The following GNE variants were observed in gnomAD, a reference collection of about 807,000 sequenced individuals.
The protein encoded by GNE is bifunctional UDP-N-acetylglucosamine 2-epimerase/N-acetylmannosamine kinase.
GNE carries 41 observed loss-of-function variants against 61.8 expected under a neutral mutation model. The ratio of observed to expected loss-of-function variants is 0.66; its 90% CI spans 0.52 to 0.86. The LOEUF is 0.86. Ranked by LOEUF, GNE falls within the 40% of genes least tolerant of loss-of-function variation. The pLI is 0.00. For synonymous variants in GNE, 264 were observed against 326.4 expected, an observed-to-expected ratio of 0.81 and a Z score of 2.06; for missense variants, 608 against 909.1, an observed-to-expected ratio of 0.67 and a Z score of 4.26.
At chr9:36,257,060 C>T (rs1587363160) in intron 1 of GNE, among the ~76,000 whole-genome samples, 1 of 152,034 alleles carries the variant, frequency 6.6e-6, no homozygotes, top group African/African-American at 2.4e-5. Context: ...AAAAATTAAC[C>T]GAGCATGGTG....
intron 3 of GNE, among the ~76,000 whole-genome samples, chr9:36,240,320 A>C (rs978467875): frequency 6.6e-6 from 1 of 152,196 alleles, no homozygotes; most frequent in Non-Finnish European, 1.5e-5. Flanking sequence ...CTTTTATTAC[A>C]TTAAGGTATG....
intron 7 of GNE, among the ~76,000 whole-genome samples, chr9:36,223,841 T>C (rs1828728922): frequency 6.6e-6 from 1 of 151,068 alleles, no homozygotes; most frequent in Admixed American, 6.6e-5. Flanking sequence ...AACCTCCACC[T>C]CCCAGGTTCA....
At chr9:36,268,815 T>G (rs1830905208) in intron 1 of GNE, among the ~76,000 whole-genome samples, 1 of 152,000 alleles carries the variant, frequency 6.6e-6, no homozygotes. Context: ...AAGGTACTGG[T>G]CCAGAACTCC....
intron 1 of GNE, among the ~76,000 whole-genome samples, chr9:36,249,727 A>C (rs1468429510): frequency 6.6e-6 from 1 of 151,900 alleles, no homozygotes; most frequent in Non-Finnish European, 1.5e-5. Context: ...AAAATACAAA[A>C]AAAAAAATTA....
At chr9:36,223,040 A>C in intron 8 of GNE, 42 bp from the exon 9 acceptor site, 1 of 1,548,658 alleles carries the variant, frequency 6.5e-7, no homozygotes, top group African/African-American at 1.4e-5. Flanking sequence ...GCTGATGAGC[A>C]ATCTCAGGAA....
intron 1 of GNE, among the ~76,000 whole-genome samples, chr9:36,267,294 C>T (rs1054873772): frequency 1.3e-5 from 2 of 152,210 alleles, no homozygotes; most frequent in African/African-American, 2.4e-5. Context: ...TTTTAGAGCA[C>T]CTGTGGTGGT....
At chr9:36,247,864 T>C (rs1006555800) in intron 2 of GNE, among the ~76,000 whole-genome samples, 6 of 151,736 alleles carry the variant, frequency 4.0e-5, no homozygotes, top group Admixed American at 3.9e-4. Context: ...CCGTCTCTAC[T>C]AAAAATACAA....
chr9:36,224,749 A>G (rs1018585450), intron 7 of GNE, among the ~76,000 whole-genome samples: 1 of 152,154 alleles, frequency 6.6e-6, no homozygotes, highest in Non-Finnish European at 1.5e-5. Context: ...ACACGCCTGT[A>G]GTCTCAGCTA....
At chr9:36,273,221 A>ATT (rs34635171) in intron 1 of GNE, among the ~76,000 whole-genome samples, 5,291 of 146,324 alleles carry the variant, frequency 0.036, 306 homozygotes, top group African/African-American at 0.12. Context: ...CACTCCATAA[A>ATT]TTTTTTTTTT....
At chr9:36,239,602 A>G (rs1385408652) in intron 3 of GNE, among the ~76,000 whole-genome samples, 1 of 151,832 alleles carries the variant, frequency 6.6e-6, no homozygotes, top group Non-Finnish European at 1.5e-5. Flanking sequence ...CCTCCCAAGT[A>G]TCTGGGACTA....
chr9:36,242,729 C>CTTT (rs1563944077), intron 3 of GNE, among the ~76,000 whole-genome samples: 6 of 92,922 alleles, frequency 6.5e-5, no homozygotes, highest in African/African-American at 2.1e-4. Flanking sequence ...GGGTTTTATG[C>CTTT]TTGTTTTTTT....
chr9:36,236,703 G>A, intron 4 of GNE, 129 bp downstream of exon 4: 1 of 829,762 alleles, frequency 1.2e-6, no homozygotes, highest in Non-Finnish European at 2.0e-6. Flanking sequence ...TTTGAAAATT[G>A]GAATGCATTT....
chr9:36,217,709 G>A, intron 11 of GNE, 109 bp from the exon 12 acceptor site: 2 of 733,570 alleles, frequency 2.7e-6, no homozygotes, highest in South Asian at 3.0e-5. Context: ...AACATCCACG[G>A]CATGCAGTGG....
At chr9:36,232,597 C>T (rs1258370103) in intron 5 of GNE, among the ~76,000 whole-genome samples, 1 of 152,178 alleles carries the variant, frequency 6.6e-6, no homozygotes, top group Non-Finnish European at 1.5e-5. Context: ...GTTGCCACTG[C>T]CTCTCCCTGA....
intron 2 of GNE, among the ~76,000 whole-genome samples, chr9:36,247,395 C>A (rs1468020895): frequency 2.6e-5 from 4 of 152,002 alleles, no homozygotes; most frequent in Admixed American, 6.6e-5. Context: ...GGTGAAAAGT[C>A]TCTCACTTTT....
chr9:36,256,480 G>T (rs1471482304), intron 1 of GNE, among the ~76,000 whole-genome samples: 2 of 151,984 alleles, frequency 1.3e-5, no homozygotes, highest in South Asian at 4.2e-4. Context: ...CCTGACCTCA[G>T]GTGATCCGCC....
At chr9:36,242,729 C>CTTTTTTTTTTT in intron 3 of GNE, among the ~76,000 whole-genome samples, 1 of 92,922 alleles carries the variant, frequency 1.1e-5, no homozygotes, top group Admixed American at 1.2e-4. Flanking sequence ...GGGTTTTATG[C>CTTTTTTTTTTT]TTGTTTTTTT....
At chr9:36,271,785 C>A (rs1388514509) in intron 1 of GNE, among the ~76,000 whole-genome samples, 1 of 152,180 alleles carries the variant, frequency 6.6e-6, no homozygotes, top group Non-Finnish European at 1.5e-5. Context: ...CGAGAAAAAT[C>A]AGTCATATTA....
At chr9:36,272,917 CAA>C (rs59845826) in intron 1 of GNE, among the ~76,000 whole-genome samples, 46 of 38,372 alleles carry the variant, frequency 1.2e-3, no homozygotes, top group Middle Eastern at 0.014. Flanking sequence ...AGTAAAAATA[CAA>C]AAAAAAAAAA....
Sources: gnomAD v4.1 joint callset for allele counts (sites outside exome capture counted in the v4.1 genomes callset) on GRCh38, gnomAD v4.1.1 for gene constraint, MANE v1.5 for transcripts, NCBI Gene and HGNC (gene_info 2026-07-23, HGNC 2026-07-21) for gene names.